AHCYL2: variants seen among roughly 807,000 people sequenced by gnomAD.
AHCYL2 encodes the protein S-adenosylhomocysteine hydrolase-like protein 2.
A neutral mutation model predicts 81.4 loss-of-function variants in AHCYL2; 28 were observed. The observed-to-expected ratio is 0.34, with a 90% confidence interval of 0.25 to 0.47. AHCYL2 has a LOEUF of 0.47. Ranked by LOEUF, AHCYL2 falls within the 20% of genes least tolerant of loss-of-function variation. The pLI, the probability that AHCYL2 is intolerant of heterozygous loss-of-function variation, is 1.00. For synonymous variants in AHCYL2, 272 were observed against 290.2 expected, an observed-to-expected ratio of 0.94 and a Z score of 0.64; for missense variants, 551 against 785.1, an observed-to-expected ratio of 0.70 and a Z score of 3.56.
chr7:129,391,702 A>G (rs1180446268), intron 4 of AHCYL2, among the ~76,000 whole-genome samples: 1 of 152,206 alleles, frequency 6.6e-6, no homozygotes, highest in Non-Finnish European at 1.5e-5. Flanking sequence ...GTGTGGCTAG[A>G]TCAGCTTTCC....
chr7:129,407,610 C>G (rs1340981939), intron 10 of AHCYL2, among the ~76,000 whole-genome samples: 1 of 152,138 alleles, frequency 6.6e-6, no homozygotes, highest in Non-Finnish European at 1.5e-5. Context: ...CAAATTGATA[C>G]TGTTCAGATA....
At chr7:129,252,102 C>T (rs182000419) in intron 1 of AHCYL2, among the ~76,000 whole-genome samples, 11 of 152,290 alleles carry the variant, frequency 7.2e-5, no homozygotes, top group African/African-American at 2.4e-4. Flanking sequence ...CCATTGATTT[C>T]TAACATACTC....
intron 12 of AHCYL2, 24 bp from the exon 13 acceptor site, chr7:129,422,816 C>T: frequency 6.2e-7 from 1 of 1,606,594 alleles, no homozygotes. Context: ...ATGGCTAATG[C>T]TGTACTTGCT....
At chr7:129,323,204 A>C (rs1477609661) in intron 1 of AHCYL2, among the ~76,000 whole-genome samples, 1 of 152,030 alleles carries the variant, frequency 6.6e-6, no homozygotes, top group African/African-American at 2.4e-5. Context: ...TTCTTTTCTA[A>C]TAGAGGTATT....
In AHCYL2 at chr7:129,426,391, A is replaced by G. The variant is rs1797367930; in HGVS notation, c.1709-52A>G. 1.2e-6 allele frequency: 2 copies of G among 1,613,698 alleles called. No homozygotes were observed. Among genetic ancestry groups the G allele is most frequent in the African/African-American group, 2.7e-5 (2 of 74,904 alleles). ...AAGGCCTAGCTTGGGGACAATAGCC[A>G]TCAGATAAAAGGCATGAATGCTTAT... On this transcript the variant is annotated intron_variant, in intron 15 of 16. Transcript: ENST00000325006. This position sits in a 1 kb window ranked among gnomAD's most constrained non-coding sequence, Gnocchi z 4.3.
chr7:129,335,915 C>T (rs190821532), intron 1 of AHCYL2, among the ~76,000 whole-genome samples: 8 of 152,214 alleles, frequency 5.3e-5, no homozygotes, highest in Admixed American at 3.3e-4. Flanking sequence ...ATCCCACTTC[C>T]GTGAGAAGAA....
At chr7:129,228,221 A>G (rs1342403050) in intron 1 of AHCYL2, among the ~76,000 whole-genome samples, 2 of 152,212 alleles carry the variant, frequency 1.3e-5, no homozygotes, top group African/African-American at 4.8e-5. Context: ...ATGTATAAAC[A>G]TTTATTTTAA....
intron 1 of AHCYL2, among the ~76,000 whole-genome samples, chr7:129,268,855 A>G (rs1009613351): frequency 2.6e-5 from 4 of 152,226 alleles, no homozygotes; most frequent in African/African-American, 4.8e-5. Context: ...AAGTTCACTC[A>G]TTTAAAGCAT....
intron 1 of AHCYL2, among the ~76,000 whole-genome samples, chr7:129,247,761 C>T (rs1795111310): frequency 6.6e-6 from 1 of 151,998 alleles, no homozygotes; most frequent in South Asian, 2.1e-4. Flanking sequence ...GCCACCATGC[C>T]CAGCTAATTT....
chr7:129,254,794 A>G lies in AHCYL2; in HGVS notation c.363+29355A>G, dbSNP rs536977165. On this transcript the variant is annotated intron_variant, in intron 1 of 16. Transcript: ENST00000325006. Reference sequence around the variant, plus strand: ...AAGGCACCTTTATAGCTACCTTTCTATTGTCTCTGAGGGTAGGTCACAGGC... The same window carrying G: ...AAGGCACCTTTATAGCTACCTTTCTGTTGTCTCTGAGGGTAGGTCACAGGC... Among the ~76,000 whole-genome samples the G allele has an allele frequency of 6.6e-5, 10 of 152,250 alleles. No individual in the cohort carries two copies. The South Asian group carries it at 1.7e-3, about 25-fold the overall frequency.
At chr7:129,355,962 G>C (rs1793721846) in intron 1 of AHCYL2, among the ~76,000 whole-genome samples, 1 of 152,162 alleles carries the variant, frequency 6.6e-6, no homozygotes, top group Non-Finnish European at 1.5e-5. Flanking sequence ...AATAATCATA[G>C]TGGTTATTAT....
At chr7:129,376,149 C>T (rs552804037) in intron 1 of AHCYL2, among the ~76,000 whole-genome samples, 2 of 152,278 alleles carry the variant, frequency 1.3e-5, no homozygotes, top group African/African-American at 4.8e-5. Flanking sequence ...CCTTAAAAGA[C>T]CCTGGTTCCA....
chr7:129,365,589 C>G (rs1794080176), intron 1 of AHCYL2, among the ~76,000 whole-genome samples: 1 of 140,538 alleles, frequency 7.1e-6, no homozygotes, highest in Non-Finnish European at 1.5e-5. Flanking sequence ...TCTTTACATT[C>G]AAGAAGTAGC....
chr7:129,233,843 A>T (rs1049082734), intron 1 of AHCYL2, among the ~76,000 whole-genome samples: 1 of 152,056 alleles, frequency 6.6e-6, no homozygotes, highest in African/African-American at 2.4e-5. Context: ...TTTATGCCTC[A>T]TTATAAAAAT....
intron 2 of AHCYL2, 23 bp downstream of exon 2, chr7:129,379,772 C>A: frequency 6.3e-7 from 1 of 1,590,026 alleles, no homozygotes; most frequent in Non-Finnish European, 8.6e-7. Context: ...CTGCTGTGGA[C>A]CCAGCTGTTG....
chr7:129,342,717 A>G (rs1477335164), intron 1 of AHCYL2, among the ~76,000 whole-genome samples: 1 of 152,200 alleles, frequency 6.6e-6, no homozygotes, highest in African/African-American at 2.4e-5. Flanking sequence ...TTTTAAAGTA[A>G]GAGCATTTAT....
intron 1 of AHCYL2, among the ~76,000 whole-genome samples, chr7:129,344,031 A>G (rs2150820007): frequency 6.6e-6 from 1 of 152,322 alleles, no homozygotes; most frequent in South Asian, 2.1e-4. Flanking sequence ...ATAAGCATAT[A>G]AGATACTCAA....
chr7:129,384,788 A>G (rs997027127), intron 2 of AHCYL2, among the ~76,000 whole-genome samples: 6 of 152,228 alleles, frequency 3.9e-5, no homozygotes, highest in African/African-American at 1.4e-4. Context: ...TTTCCAAAAG[A>G]TGATACATAA....
chr7:129,270,041 GTAT>G (rs1795953064), intron 1 of AHCYL2, among the ~76,000 whole-genome samples: 1 of 152,006 alleles, frequency 6.6e-6, no homozygotes, highest in South Asian at 2.1e-4. Flanking sequence ...TTATTCCTGC[GTAT>G]TATTTAATTT....
Sources: gnomAD v4.1 joint callset for allele counts (sites outside exome capture counted in the v4.1 genomes callset) on GRCh38, gnomAD v4.1.1 for gene constraint, Gnocchi (gnomAD v3.1) non-coding constraint, MANE v1.5 for transcripts, NCBI Gene and HGNC (gene_info 2026-07-23, HGNC 2026-07-21) for gene names.